Variants in DCT observed in about 807,000 individuals in gnomAD.
DCT encodes L-dopachrome tautomerase.
Under a neutral mutation model 53.0 loss-of-function variants are expected in DCT, and 47 were observed. That is an observed-to-expected ratio of 0.89 (90% confidence interval 0.70 to 1.13). The LOEUF (loss-of-function observed/expected upper bound fraction) is 1.13, where lower values mean the gene tolerates loss of function less well. Among genes scored for constraint, DCT ranks in the 50% most tolerant of loss-of-function variants. DCT has a pLI of 0.00. For missense variants in DCT, 669 were observed against 637.4 expected, an observed-to-expected ratio of 1.05 and a Z score of -0.53; for synonymous variants, 244 against 237.0, an observed-to-expected ratio of 1.03 and a Z score of -0.27.
the DCT span, among the ~76,000 whole-genome samples, chr13:94,519,396 A>G: frequency 4.6e-5 from 7 of 152,290 alleles, no homozygotes; most frequent in South Asian, 1.5e-3. Context: ...CTTGGGAGTT[A>G]TAAAAGATGA....
intron 6 of DCT, among the ~76,000 whole-genome samples, chr13:94,453,507 A>T (rs977670608): frequency 6.6e-6 from 1 of 152,204 alleles, no homozygotes; most frequent in Non-Finnish European, 1.5e-5. Flanking sequence ...TTCTTATTTA[A>T]AGTAAAGCAA....
At chr13:94,528,080 G>T in the DCT span, among the ~76,000 whole-genome samples, 18 of 152,108 alleles carry the variant, frequency 1.2e-4, no homozygotes, top group Admixed American at 1.2e-3. Flanking sequence ...GAGAAGACAA[G>T]ATTAGAGAAA....
chr13:94,530,055 C>G, the DCT span, among the ~76,000 whole-genome samples: 1 of 152,192 alleles, frequency 6.6e-6, no homozygotes, highest in East Asian at 1.9e-4. Flanking sequence ...TTCCTGGACA[C>G]ATACACCCTC....
chr13:94,537,288 G>A, the DCT span, among the ~76,000 whole-genome samples: 1 of 152,142 alleles, frequency 6.6e-6, no homozygotes, highest in South Asian at 2.1e-4. Context: ...CATTTCTCTA[G>A]AAAGTTCTTC....
At position 94,479,328 on chromosome 13, in the gene DCT, T is replaced by G; in HGVS notation, c.-73A>C. On this transcript the variant is annotated 5_prime_UTR_variant, in exon 1 of 8. Coordinates refer to ENST00000377028, the MANE Select transcript of DCT (RefSeq NM_001922.5). Reference sequence around the variant, plus strand: ...CTGTCGTACTTTTCTCCTTATCTTCTACTCTTTCAGTCTTTTCTTTTCAGT... The same window carrying G: ...CTGTCGTACTTTTCTCCTTATCTTCGACTCTTTCAGTCTTTTCTTTTCAGT... 7.8e-7 allele frequency: 1 copy of G among 1,278,636 alleles called. No individual in the cohort carries two copies. The highest frequency in any genetic ancestry group is 1.1e-6 in the Non-Finnish European group (1 of 938,174). 79.2% of individuals were successfully genotyped at this position (1,278,636 alleles called of 1,614,324 possible).
At chr13:94,488,986 A>T in the DCT span, among the ~76,000 whole-genome samples, 1 of 152,094 alleles carries the variant, frequency 6.6e-6, no homozygotes, top group Non-Finnish European at 1.5e-5. Flanking sequence ...GGCAGGGAGT[A>T]TGTCTGTGTC....
At chr13:94,454,258 C>T (rs1262034093) in intron 6 of DCT, among the ~76,000 whole-genome samples, 2 of 152,160 alleles carry the variant, frequency 1.3e-5, no homozygotes, top group African/African-American at 4.8e-5. Flanking sequence ...ATGGACCCCC[C>T]AGCCACTGAT....
At chr13:94,445,404 T>A (rs1447700960) in intron 6 of DCT, among the ~76,000 whole-genome samples, 2 of 152,178 alleles carry the variant, frequency 1.3e-5, no homozygotes, top group African/African-American at 4.8e-5. Context: ...AGCCATGCTG[T>A]GAAGAAGCCC....
the DCT span, among the ~76,000 whole-genome samples, chr13:94,519,712 A>T: frequency 6.6e-6 from 1 of 152,168 alleles, no homozygotes; most frequent in Non-Finnish European, 1.5e-5. Flanking sequence ...TCTTGAGAAA[A>T]GGTATGGTAG....
chr13:94,518,949 C>T, the DCT span, among the ~76,000 whole-genome samples: 1 of 152,090 alleles, frequency 6.6e-6, no homozygotes, highest in African/African-American at 2.4e-5. Context: ...TTAGAATGCA[C>T]CAAGTTCTTT....
intron 7 of DCT, among the ~76,000 whole-genome samples, chr13:94,441,549 G>C (rs371266386): frequency 5.9e-5 from 9 of 152,166 alleles, no homozygotes; most frequent in African/African-American, 2.2e-4. Context: ...CTGGTAACCA[G>C]GGGTCTCTAT....
At chr13:94,534,050 A>C in the DCT span, among the ~76,000 whole-genome samples, 1 of 152,102 alleles carries the variant, frequency 6.6e-6, no homozygotes, top group Non-Finnish European at 1.5e-5. Flanking sequence ...TTCCAATAGA[A>C]CAAGATCAAA....
At chr13:94,485,728 T>A in the DCT span, among the ~76,000 whole-genome samples, 4 of 152,210 alleles carry the variant, frequency 2.6e-5, no homozygotes, top group African/African-American at 7.2e-5. Context: ...GGACAGGAAG[T>A]AATAATACTA....
chr13:94,478,458 C>A (rs1286637612), intron 1 of DCT, among the ~76,000 whole-genome samples: 1 of 152,046 alleles, frequency 6.6e-6, no homozygotes, highest in East Asian at 1.9e-4. Context: ...GCCACGGTGA[C>A]AAAGCGAGAC....
chr13:94,450,835 A>G (rs961305986), intron 6 of DCT, among the ~76,000 whole-genome samples: 2 of 152,248 alleles, frequency 1.3e-5, no homozygotes, highest in Non-Finnish European at 2.9e-5. Context: ...CTAAACAATC[A>G]TGAAAACTCT....
the DCT span, among the ~76,000 whole-genome samples, chr13:94,501,660 A>AAAG: frequency 1.3e-5 from 2 of 151,088 alleles, no homozygotes; most frequent in African/African-American, 2.5e-5. Flanking sequence ...GAGAAAGGAG[A>AAAG]GAGAGGAGAG....
chr13:94,477,916 T>C (rs915334312), intron 1 of DCT, among the ~76,000 whole-genome samples: 1 of 152,054 alleles, frequency 6.6e-6, no homozygotes, highest in African/African-American at 2.4e-5. Flanking sequence ...CTGCCAGGCT[T>C]TGAGTGTTTA....
Position 94,443,539 on chromosome 13 carries a change from G to A in DCT, c.1278C>T (p.His426=), listed in dbSNP as rs775029495. The A allele has an allele frequency of 6.2e-7, 1 of 1,613,930 alleles. No homozygotes were observed. The highest frequency in any genetic ancestry group is 8.5e-7 in the Non-Finnish European group (1 of 1,179,836). ...AWPQELAPIG[H]NRMYNMVPFF... is the part of the protein sequence containing the mutation. ...AAGGAACCATGTTGTACATCCGATT[G>A]TGACCAATAGGGGCCAGCTCCTGAG... Residue 426 remains histidine (H), a synonymous_variant, in exon 7 of 8, where the codon CAC becomes CAT. Coordinates refer to ENST00000377028, the MANE Select transcript of DCT (RefSeq NM_001922.5).
At chr13:94,524,769 C>T in the DCT span, among the ~76,000 whole-genome samples, 1 of 152,072 alleles carries the variant, frequency 6.6e-6, no homozygotes, top group African/African-American at 2.4e-5. Flanking sequence ...TGTTGAAGTC[C>T]TAAGTCCCAG....
Sources: allele counts gnomAD v4.1 joint callset (sites outside exome capture counted in the v4.1 genomes callset), GRCh38; gene constraint gnomAD v4.1.1; transcripts MANE v1.5; gene names NCBI Gene and HGNC (gene_info 2026-07-23, HGNC 2026-07-21).